ITPK1: variants seen among roughly 807,000 people sequenced by gnomAD.
ITPK1 encodes the protein inositol 1,3,4-trisphosphate 5/6-kinase.
ITPK1 carries 21 observed loss-of-function variants against 45.3 expected under a neutral mutation model. That is an observed-to-expected ratio of 0.46 (90% CI 0.33 to 0.67). The LOEUF is 0.67. Among genes scored for constraint, ITPK1 ranks in the 30% least tolerant of loss-of-function variants. The pLI is 0.02. For missense variants in ITPK1, 474 were observed against 573.5 expected (o/e 0.83, Z 1.77); for synonymous variants, 258 against 253.6 (o/e 1.02, Z -0.16).
At chr14:92,952,120 C>G (rs1418307211) in intron 8 of ITPK1, 107 bp from the exon 9 acceptor site, 2 of 892,286 alleles carry the variant, frequency 2.2e-6, no homozygotes, top group African/African-American at 3.3e-5. Context: ...CAACACGTGG[C>G]CCCCGGCTCT....
chr14:93,039,930 CT>C (rs1300866785), intron 3 of ITPK1, among the ~76,000 whole-genome samples: 1 of 152,240 alleles, frequency 6.6e-6, no homozygotes, highest in African/African-American at 2.4e-5. Flanking sequence ...CCCACAGGGC[CT>C]CCTCCAGAGG....
chr14:92,998,451 G>C (rs951761703), intron 4 of ITPK1, among the ~76,000 whole-genome samples: 1 of 152,188 alleles, frequency 6.6e-6, no homozygotes, highest in African/African-American at 2.4e-5. Context: ...GACCTTCCAA[G>C]GGATTCGTTT....
rs987896807 is a variant in ITPK1 at position 93,050,913 on chromosome 14, C to T, written c.120+25682G>A. On this transcript the variant is annotated intron_variant, in intron 3 of 10. Coordinates refer to ENST00000267615, the MANE Select transcript of ITPK1 (RefSeq NM_014216.6). ...CCAATGCCCAGCTCTTTAATAAACA[C>T]GCCTTGCGGTGCTGGAAGAGACTCA... Among the ~76,000 whole-genome samples, 25 of 152,270 alleles carry T rather than the reference C, an allele frequency of 1.6e-4. No individual in the cohort carries two copies. In the South Asian group the frequency reaches 3.1e-3, roughly 19 times the overall value.
intron 10 of ITPK1, among the ~76,000 whole-genome samples, chr14:92,944,306 C>G (rs959934447): frequency 6.6e-6 from 1 of 152,094 alleles, no homozygotes; most frequent in Non-Finnish European, 1.5e-5. Context: ...TCCCGGGGAA[C>G]CAGCTCTGCC....
intron 8 of ITPK1, among the ~76,000 whole-genome samples, chr14:92,957,178 G>A (rs981603014): frequency 1.3e-5 from 2 of 152,262 alleles, no homozygotes; most frequent in African/African-American, 2.4e-5. Context: ...GATGCCAAGA[G>A]GACACATCTG....
At position 93,063,377 on chromosome 14, in the gene ITPK1, G is replaced by T. The variant is rs1265612840; in HGVS notation, c.120+13218C>A. On this transcript the variant is annotated intron_variant, in intron 3 of 10. Transcript: ENST00000267615. The surrounding 1 kb of genome is among the most constrained non-coding windows in gnomAD (Gnocchi z 4.3). ...CCTGCCCAGTGAGACAGGGGTGTGA[G>T]CTTCACAAGACCCCTCGAGTCATCT... Among the ~76,000 whole-genome samples the T allele has an allele frequency of 2.6e-5, 4 of 152,182 alleles. No homozygotes were observed. The highest frequency in any genetic ancestry group is 9.6e-5 in the African/African-American group (4 of 41,456).
At chr14:92,962,912 G>A in intron 5 of ITPK1, 63 bp from the exon 6 acceptor site, 4 of 1,162,658 alleles carry the variant, frequency 3.4e-6, no homozygotes, top group South Asian at 2.6e-5. Flanking sequence ...TGCACGTCCT[G>A]TGACAGCCCG....
At chr14:92,953,200 G>T (rs1279631300) in intron 8 of ITPK1, among the ~76,000 whole-genome samples, 1 of 152,256 alleles carries the variant, frequency 6.6e-6, no homozygotes, top group Non-Finnish European at 1.5e-5. Flanking sequence ...TATGCATGAG[G>T]GAGTGATTCG....
intron 3 of ITPK1, among the ~76,000 whole-genome samples, chr14:93,042,025 C>T (rs757935133): frequency 7.2e-5 from 11 of 152,228 alleles, no homozygotes; most frequent in Non-Finnish European, 1.5e-4. Flanking sequence ...CAGTGACCGC[C>T]TACCACACAG....
At chr14:93,015,333 T>C (rs1275748088) in intron 4 of ITPK1, among the ~76,000 whole-genome samples, 1 of 152,166 alleles carries the variant, frequency 6.6e-6, no homozygotes, top group African/African-American at 2.4e-5. Context: ...ATGTAGCACA[T>C]GGGTGAGTGC....
chr14:93,081,045 T>C (rs1002459928), intron 2 of ITPK1, among the ~76,000 whole-genome samples: 52 of 149,406 alleles, frequency 3.5e-4, no homozygotes, highest in African/African-American at 1.2e-3. Context: ...ATTAAAAACC[T>C]GCAGCCGGGC....
At chr14:93,041,897 C>T (rs115798834) in intron 3 of ITPK1, among the ~76,000 whole-genome samples, 266 of 152,284 alleles carry the variant, frequency 1.7e-3, no homozygotes, top group African/African-American at 6.1e-3. Context: ...CAAAACACAG[C>T]AAATCTATCC....
At chr14:92,955,019 G>T (rs190992828) in intron 8 of ITPK1, among the ~76,000 whole-genome samples, 1 of 152,306 alleles carries the variant, frequency 6.6e-6, no homozygotes, top group East Asian at 1.9e-4. Context: ...CAGGAAGCTG[G>T]GTGCCTGCCT....
intron 3 of ITPK1, among the ~76,000 whole-genome samples, chr14:93,049,871 G>A (rs529560159): frequency 9.2e-5 from 14 of 152,038 alleles, no homozygotes; most frequent in Non-Finnish European, 1.9e-4. Context: ...GGAGATGGGG[G>A]GAGACCTTCA....
At position 92,946,513 on chromosome 14, in the gene ITPK1, A is replaced by G. The variant is rs1242113148; in HGVS notation, c.739-20T>C. 1.2e-6 allele frequency: 2 copies of G among 1,610,852 alleles called. No individual in the cohort carries two copies. The highest frequency in any genetic ancestry group is 1.7e-5 in the Admixed American group (1 of 59,978). On this transcript the variant is annotated intron_variant, in intron 9 of 10. Transcript: ENST00000267615. ...GTCCAGCTGCCAACATACACAAGGA[A>G]GTCAGGCCATGGGCCGAGGAGCTGC...
chr14:93,074,464 T>C (rs1891137359), intron 3 of ITPK1, among the ~76,000 whole-genome samples: 1 of 152,162 alleles, frequency 6.6e-6, no homozygotes, highest in Non-Finnish European at 1.5e-5. Flanking sequence ...GCGGTGGGGG[T>C]GACACCCACT....
intron 3 of ITPK1, among the ~76,000 whole-genome samples, chr14:93,046,896 G>A (rs1233747422): frequency 6.6e-6 from 1 of 152,190 alleles, no homozygotes; most frequent in African/African-American, 2.4e-5. Flanking sequence ...TAGGCTATCT[G>A]AGGCCCATGC....
rs749373534 is a variant in ITPK1 at position 93,016,764 on chromosome 14, A to G, written c.158T>C (p.Leu53Pro). Reference sequence around the variant, plus strand: ...AGTCAGCTTGTGGATGATGACGTCCAGGGGGCCCTGCTCCTCGATCGGCCG... The same window carrying G: ...AGTCAGCTTGTGGATGATGACGTCCGGGGGGCCCTGCTCCTCGATCGGCCG... Reference protein sequence around the residue: ...LSRPIEEQGPLDVIIHKLTDV... With the variant: ...LSRPIEEQGPPDVIIHKLTDV... Residue 53 changes from leucine (L) to proline (P), a missense_variant, in exon 4 of 11, where the codon CTG (leucine) becomes CCG (proline). By Grantham distance (98) the Leu-to-Pro change is moderately conservative. Around this residue, in one of 2 missense-constraint regions of ITPK1, gnomAD observed 367 missense variants for 480.6 expected, o/e 0.76. Coordinates refer to ENST00000267615, the MANE Select transcript of ITPK1 (RefSeq NM_014216.6). This position sits in a 1 kb window ranked among gnomAD's most constrained non-coding sequence, Gnocchi z 5.0. 7 of 1,614,148 alleles carry G rather than the reference A, an allele frequency of 4.3e-6. No individual in the cohort carries two copies. Among genetic ancestry groups the G allele is most frequent in the Non-Finnish European group, 5.9e-6 (7 of 1,179,992 alleles).
chr14:93,039,962 C>T (rs1889493033), intron 3 of ITPK1, among the ~76,000 whole-genome samples: 1 of 152,238 alleles, frequency 6.6e-6, no homozygotes, highest in Non-Finnish European at 1.5e-5. Flanking sequence ...GTGCAGGGCA[C>T]CCAGAAACCC....
Sources: gnomAD v4.1 joint callset for allele counts (sites outside exome capture counted in the v4.1 genomes callset) on GRCh38, gnomAD v4.1.1 for gene constraint, gnomAD v4.1.1 regional missense constraint, Gnocchi (gnomAD v3.1) non-coding constraint, MANE v1.5 for transcripts, NCBI Gene and HGNC (gene_info 2026-07-23, HGNC 2026-07-21) for gene names.